SFMBT1: variants seen among roughly 807,000 people sequenced by gnomAD.
SFMBT1 encodes the protein scm-like with four MBT domains protein 1.
Under a neutral mutation model 108.7 loss-of-function variants are expected in SFMBT1, and 32 were observed. That is an observed-to-expected ratio of 0.29 (90% CI 0.22 to 0.40). The LOEUF (loss-of-function observed/expected upper bound fraction) is 0.40. SFMBT1 is among the 10% of genes least tolerant of loss of function. SFMBT1 has a pLI of 1.00. For missense variants in SFMBT1, 816 were observed against 1,059.6 expected (o/e 0.77, Z 3.19); for synonymous variants, 348 against 369.5 (o/e 0.94, Z 0.67).
chr3:52,927,401 C>T (rs1373333618), intron 9 of SFMBT1, among the ~76,000 whole-genome samples: 1 of 152,162 alleles, frequency 6.6e-6, no homozygotes, highest in Non-Finnish European at 1.5e-5. Context: ...CCCTTGTTAA[C>T]AAGAAAGAGT....
intron 1 of SFMBT1, among the ~76,000 whole-genome samples, chr3:53,035,236 G>C (rs1283887353): frequency 7.7e-6 from 1 of 129,814 alleles, no homozygotes; most frequent in Non-Finnish European, 1.6e-5. Context: ...AATCAAGTTT[G>C]TTTAGAAAGC....
At chr3:52,907,459 T>A in intron 18 of SFMBT1, 96 bp downstream of exon 18, 3 of 1,523,154 alleles carry the variant, frequency 2.0e-6, no homozygotes, top group Non-Finnish European at 2.6e-6. Flanking sequence ...TGGCCAGAGA[T>A]CTGAGTTAGA....
At chr3:53,030,791 A>C (rs1339505907) in intron 1 of SFMBT1, among the ~76,000 whole-genome samples, 4 of 152,128 alleles carry the variant, frequency 2.6e-5, no homozygotes, top group African/African-American at 7.2e-5. Flanking sequence ...TCTGTGACTA[A>C]AGTTCAATTA....
intron 17 of SFMBT1, among the ~76,000 whole-genome samples, chr3:52,909,560 G>C (rs1325877994): frequency 6.6e-6 from 1 of 152,112 alleles, no homozygotes; most frequent in African/African-American, 2.4e-5. Context: ...AGATACTCAG[G>C]ACCCAGATAC....
intron 1 of SFMBT1, among the ~76,000 whole-genome samples, chr3:52,994,013 A>G (rs1388604391): frequency 6.6e-6 from 1 of 150,510 alleles, no homozygotes; most frequent in African/African-American, 2.4e-5. Flanking sequence ...GCACATCTTT[A>G]TAATACAAGT....
At chr3:53,043,716 A>G (rs1700126431) in intron 1 of SFMBT1, among the ~76,000 whole-genome samples, 1 of 152,242 alleles carries the variant, frequency 6.6e-6, no homozygotes, top group Non-Finnish European at 1.5e-5. Context: ...CCCCCACTGA[A>G]AAGTGACCTT....
At position 52,930,363 on chromosome 3, in the gene SFMBT1, G is replaced by A; in HGVS notation, c.863C>T (p.Ser288Phe). ...TGTAGCAGGAGAGATCCCAAAAGGA[G>A]ACCAGGGGTCTACAGCTTCCAATTT... is the stretch of plus-strand genomic sequence containing the variant. ...NMKLEAVDPWSPFGISPATVV... is the reference protein window; with the variant it reads ...NMKLEAVDPWFPFGISPATVV... Residue 288 changes from serine to phenylalanine, a missense_variant, in exon 8 of 21, where the codon TCT becomes TTT. Physicochemically the swap from Ser to Phe is radical, Grantham distance 155. Coordinates refer to ENST00000394752, the MANE Select transcript of SFMBT1 (RefSeq NM_016329.4). The A allele has an allele frequency of 6.2e-7, 1 of 1,612,550 alleles. No individual in the cohort carries two copies. The highest frequency in any genetic ancestry group is 8.5e-7 in the Non-Finnish European group (1 of 1,178,506).
At chr3:52,921,914 AG>A in intron 10 of SFMBT1, 83 bp from the exon 11 acceptor site, 2 of 1,334,020 alleles carry the variant, frequency 1.5e-6, no homozygotes, top group East Asian at 4.6e-5. Flanking sequence ...TTTTTCAAGT[AG>A]TACTTAATCC....
At chr3:53,024,844 T>C (rs1699434394) in intron 1 of SFMBT1, among the ~76,000 whole-genome samples, 1 of 152,234 alleles carries the variant, frequency 6.6e-6, no homozygotes, top group African/African-American at 2.4e-5. Flanking sequence ...AATTATTTAA[T>C]TATCTTTGTC....
intron 4 of SFMBT1, among the ~76,000 whole-genome samples, chr3:52,942,524 T>G (rs549824556): frequency 1.3e-5 from 2 of 152,310 alleles, no homozygotes; most frequent in South Asian, 4.2e-4. Context: ...GGTATTTTCT[T>G]TCTTTTGAGA....
chr3:53,018,945 T>C (rs1699211214), intron 1 of SFMBT1: 1 of 152,442 alleles, frequency 6.6e-6, no homozygotes, highest in South Asian at 2.1e-4. Flanking sequence ...CTGTGTTCTC[T>C]TCTTTTTTTC....
rs982695493 is a variant in SFMBT1, at chr3:52,907,317, G to A, written c.2086-3C>T. 1.9e-6 allele frequency: 3 copies of A among 1,609,082 alleles called. No homozygotes were observed. The highest frequency in any genetic ancestry group is 1.3e-5 in the African/African-American group (1 of 74,764). On this transcript the variant is annotated splice_polypyrimidine_tract_variant and splice_region_variant and intron_variant, in intron 18 of 20. Coordinates refer to ENST00000394752, the MANE Select transcript of SFMBT1 (RefSeq NM_016329.4). ...TCCTCATCTTCACCCCCACTTCCCT[G>A]CAGGAAAAGGAGAGAAGTCTCATTG... is the stretch of plus-strand genomic sequence containing the variant.
intron 1 of SFMBT1, among the ~76,000 whole-genome samples, chr3:53,032,783 GAACA>G (rs1045445282): frequency 1.4e-4 from 21 of 152,166 alleles, no homozygotes; most frequent in Non-Finnish European, 2.5e-4. Flanking sequence ...GAGAAACACT[GAACA>G]AACAATCACA....
intron 1 of SFMBT1, among the ~76,000 whole-genome samples, chr3:52,977,460 G>A (rs551850780): frequency 2.6e-5 from 4 of 151,898 alleles, no homozygotes; most frequent in Admixed American, 1.3e-4. Context: ...GCAGTGAAGC[G>A]CACCACTGCA....
At chr3:52,969,533 T>A (rs1392043278) in intron 1 of SFMBT1, among the ~76,000 whole-genome samples, 1 of 152,192 alleles carries the variant, frequency 6.6e-6, no homozygotes, top group East Asian at 1.9e-4. Context: ...TGCATATGAA[T>A]CATTACCCTT....
At chr3:52,949,198 T>C (rs1345797863) in intron 3 of SFMBT1, among the ~76,000 whole-genome samples, 1 of 152,174 alleles carries the variant, frequency 6.6e-6, no homozygotes. Context: ...TTATATTATT[T>C]TAAATTTGTT....
intron 5 of SFMBT1, 69 bp from the exon 6 acceptor site, chr3:52,932,377 T>C: frequency 2.7e-6 from 4 of 1,492,828 alleles, no homozygotes; most frequent in Admixed American, 2.2e-5. Context: ...AGCCAACTTA[T>C]AAATGATCTC....
chr3:52,916,346 C>A, intron 13 of SFMBT1, 132 bp from the exon 14 acceptor site: 1 of 604,282 alleles, frequency 1.7e-6, no homozygotes, highest in Non-Finnish European at 2.8e-6. Flanking sequence ...AAGGTACTCC[C>A]TTGATGATAC....
intron 1 of SFMBT1, among the ~76,000 whole-genome samples, chr3:53,017,612 C>A (rs1465763587): frequency 6.6e-6 from 1 of 152,190 alleles, no homozygotes; most frequent in Admixed American, 6.5e-5. Context: ...GAAGCACTCT[C>A]ATGGAACAAG....
Sources: gnomAD v4.1 joint callset for allele counts (sites outside exome capture counted in the v4.1 genomes callset) on GRCh38, gnomAD v4.1.1 for gene constraint, MANE v1.5 for transcripts, NCBI Gene and HGNC (gene_info 2026-07-23, HGNC 2026-07-21) for gene names.